The following RIMS1 variants were observed in gnomAD, a reference collection of about 807,000 sequenced individuals.
The protein encoded by RIMS1 is regulating synaptic membrane exocytosis 1, also known as regulating synaptic membrane exocytosis protein 1.
In RIMS1, 83 loss-of-function variants were observed where a neutral mutation model predicts 214.1. The observed-to-expected ratio is 0.39, with a 90% CI of 0.32 to 0.47. RIMS1 has a LOEUF of 0.47. Ranked by LOEUF, RIMS1 falls within the 20% of genes least tolerant of loss-of-function variation. RIMS1 has a pLI of 0.99. For missense variants in RIMS1, 2,050 were observed against 2,161.8 expected, an observed-to-expected ratio of 0.95 and a Z score of 1.03; for synonymous variants, 793 against 786.8, an observed-to-expected ratio of 1.01 and a Z score of -0.13.
intron 2 of RIMS1, among the ~76,000 whole-genome samples, chr6:71,985,826 T>C (rs1799778320): frequency 6.6e-6 from 1 of 152,178 alleles, no homozygotes; most frequent in African/African-American, 2.4e-5. Flanking sequence ...GAGACATACA[T>C]GTATATGTAT....
chr6:72,278,195 C>CTATA (rs915556631), intron 23 of RIMS1, among the ~76,000 whole-genome samples: 9 of 149,522 alleles, frequency 6.0e-5, no homozygotes, highest in Non-Finnish European at 1.2e-4. Context: ...ATCTATCTAT[C>CTATA]TATATATGAT....
intron 2 of RIMS1, among the ~76,000 whole-genome samples, chr6:71,988,218 A>G (rs1203702901): frequency 6.6e-6 from 1 of 152,220 alleles, no homozygotes; most frequent in Non-Finnish European, 1.5e-5. Context: ...GCCTGCTTTC[A>G]GTAACCAATT....
At chr6:72,300,117 G>A (rs2094474340) in intron 26 of RIMS1, among the ~76,000 whole-genome samples, 1 of 151,646 alleles carries the variant, frequency 6.6e-6, no homozygotes. Flanking sequence ...TATTGTCATT[G>A]TAGCCTTCTC....
chr6:71,989,741 A>T (rs1801028185), intron 2 of RIMS1, among the ~76,000 whole-genome samples: 1 of 152,180 alleles, frequency 6.6e-6, no homozygotes, highest in Non-Finnish European at 1.5e-5. Context: ...AGCAACCAGG[A>T]ATAGAACAGT....
intron 28 of RIMS1, among the ~76,000 whole-genome samples, chr6:72,328,463 C>T (rs139280954): frequency 1.1e-3 from 172 of 151,582 alleles, no homozygotes; most frequent in Middle Eastern, 0.01. Context: ...AGAACTCCCC[C>T]CAAAAAATCT....
At chr6:71,904,871 A>G (rs1004850902) in intron 1 of RIMS1, among the ~76,000 whole-genome samples, 2 of 152,162 alleles carry the variant, frequency 1.3e-5, no homozygotes, top group Non-Finnish European at 2.9e-5. Flanking sequence ...GGCAATGAAT[A>G]AGAGTTGTGG....
intron 30 of RIMS1, 113 bp downstream of exon 30, chr6:72,390,849 T>C: frequency 7.5e-7 from 1 of 1,337,074 alleles, no homozygotes; most frequent in Non-Finnish European, 1.0e-6. Context: ...AATCAGAAGT[T>C]CAACCATCCA....
intron 4 of RIMS1, among the ~76,000 whole-genome samples, chr6:72,155,166 C>A (rs1318389691): frequency 7.1e-6 from 1 of 140,766 alleles, no homozygotes; most frequent in African/African-American, 2.5e-5. Flanking sequence ...AGAGGAGCTG[C>A]CGTGAAGTCC....
intron 2 of RIMS1, among the ~76,000 whole-genome samples, chr6:72,061,846 C>G (rs1395353799): frequency 6.6e-6 from 1 of 152,088 alleles, no homozygotes; most frequent in East Asian, 1.9e-4. Context: ...TTATTTTTCC[C>G]CTAGGGGGAA....
At chr6:72,251,410 G>A (rs777404239) in intron 15 of RIMS1, 42 bp downstream of exon 15, 14 of 1,398,604 alleles carry the variant, frequency 1.0e-5, no homozygotes, top group African/African-American at 1.5e-5. Context: ...TAATTATGCT[G>A]TAATGATCTA....
At chr6:72,030,129 C>A (rs751821659) in intron 2 of RIMS1, among the ~76,000 whole-genome samples, 11 of 152,246 alleles carry the variant, frequency 7.2e-5, no homozygotes, top group Non-Finnish European at 1.2e-4. Context: ...TGGACCAGTG[C>A]TTTTCAATCT....
At chr6:72,100,029 G>A (rs1339914771) in intron 4 of RIMS1, 43 bp downstream of exon 4, 17 of 1,516,126 alleles carry the variant, frequency 1.1e-5, no homozygotes, top group Non-Finnish European at 1.6e-5. Context: ...TTATTGTATT[G>A]TTGTGAACTT....
chr6:72,146,033 T>C (rs755488622), intron 4 of RIMS1, among the ~76,000 whole-genome samples: 3 of 152,210 alleles, frequency 2.0e-5, no homozygotes, highest in Non-Finnish European at 4.4e-5. Context: ...TTTTCTTGAC[T>C]CTGAGAAACA....
At chr6:71,987,192 C>A (rs1800242794) in intron 2 of RIMS1, among the ~76,000 whole-genome samples, 1 of 152,076 alleles carries the variant, frequency 6.6e-6, no homozygotes, top group South Asian at 2.1e-4. Context: ...ACTGTATAAA[C>A]CTAGGGGCTT....
At chr6:72,301,369 C>T (rs1180405250) in intron 26 of RIMS1, among the ~76,000 whole-genome samples, 4 of 151,644 alleles carry the variant, frequency 2.6e-5, no homozygotes, top group Admixed American at 1.3e-4. Flanking sequence ...ATATGCACTA[C>T]ATCAAAGTCT....
intron 2 of RIMS1, among the ~76,000 whole-genome samples, chr6:72,071,882 C>A (rs1347344833): frequency 6.6e-6 from 1 of 152,088 alleles, no homozygotes; most frequent in Non-Finnish European, 1.5e-5. Context: ...GAAAAGAAGA[C>A]TCAGGGAAGG....
chr6:72,291,466 G>A (rs2093378018), intron 25 of RIMS1, among the ~76,000 whole-genome samples: 1 of 152,136 alleles, frequency 6.6e-6, no homozygotes, highest in South Asian at 2.1e-4. Context: ...CAAGTGAGTG[G>A]TAATTTATAA....
At chr6:72,234,762 A>T (rs541980497) in intron 7 of RIMS1, among the ~76,000 whole-genome samples, 34 of 152,038 alleles carry the variant, frequency 2.2e-4, no homozygotes, top group African/African-American at 8.2e-4. Context: ...ACAGCCACTG[A>T]TCATTTAGTT....
intron 4 of RIMS1, chr6:72,148,713 G>GTT (rs59114237): frequency 1.3e-5 from 5 of 386,544 alleles, no homozygotes; most frequent in Non-Finnish European, 2.5e-5. Flanking sequence ...GGAGACTTGG[G>GTT]TTTTTTTTTT....
Sources: allele counts gnomAD v4.1 joint callset (sites outside exome capture counted in the v4.1 genomes callset), GRCh38; gene constraint gnomAD v4.1.1; transcripts MANE v1.5; gene names NCBI Gene and HGNC (gene_info 2026-07-23, HGNC 2026-07-21).